Variants in CRISPLD2 observed in about 807,000 individuals in gnomAD.
The protein encoded by CRISPLD2 is cysteine rich secretory protein LCCL domain containing 2.
CRISPLD2 carries 47 observed loss-of-function variants against 71.1 expected under a neutral mutation model. That is an observed-to-expected ratio of 0.66 (90% CI 0.52 to 0.84). The LOEUF is 0.84. Among genes scored for constraint, CRISPLD2 ranks in the 40% least tolerant of loss-of-function variants. CRISPLD2 has a pLI of 0.00. For synonymous variants in CRISPLD2, 317 were observed against 250.1 expected (o/e 1.27, Z -2.52); for missense variants, 830 against 651.1 (o/e 1.27, Z -2.99).
At chr16:84,831,538 A>G (rs1337535326) in intron 1 of CRISPLD2, among the ~76,000 whole-genome samples, 3 of 151,304 alleles carry the variant, frequency 2.0e-5, no homozygotes, top group Non-Finnish European at 2.9e-5. Context: ...CTGGGACTAC[A>G]GGCATGTGGC....
At chr16:84,853,911 A>T (rs891824676) in intron 5 of CRISPLD2, among the ~76,000 whole-genome samples, 1 of 152,178 alleles carries the variant, frequency 6.6e-6, no homozygotes, top group African/African-American at 2.4e-5. Flanking sequence ...CAAGCCGGGG[A>T]GCCTGCTCTT....
Position 84,854,844 on chromosome 16 carries a change from C to T in CRISPLD2, c.709+15C>T, listed in dbSNP as rs374304231. On this transcript the variant is annotated intron_variant, in intron 6 of 14. Transcript: ENST00000262424. The stretch of plus-strand genomic sequence containing the variant: ...GTGTTACCGAGGTAGGAAATTTACT[C>T]CCAACACTTTTGCAATGAATTTGCC... 10 of 1,592,896 alleles carry T rather than the reference C, an allele frequency of 6.3e-6. No individual in the cohort carries two copies. In the African/African-American group the frequency reaches 1.3e-4, roughly 21 times the overall value.
At chr16:84,824,621 A>G (rs1236607283) in intron 1 of CRISPLD2, among the ~76,000 whole-genome samples, 2 of 152,140 alleles carry the variant, frequency 1.3e-5, no homozygotes, top group Non-Finnish European at 2.9e-5. Flanking sequence ...CATCCTCTAC[A>G]ACAAAGCCTT....
intron 1 of CRISPLD2, among the ~76,000 whole-genome samples, chr16:84,832,107 C>G (rs746826112): frequency 6.6e-6 from 1 of 152,252 alleles, no homozygotes; most frequent in African/African-American, 2.4e-5. Flanking sequence ...ATTGTCTGTT[C>G]ATAGCATTCC....
At chr16:84,821,422 T>C (rs1369548208) in intron 1 of CRISPLD2, among the ~76,000 whole-genome samples, 1 of 152,202 alleles carries the variant, frequency 6.6e-6, no homozygotes, top group Non-Finnish European at 1.5e-5. Flanking sequence ...GCAGTTTACC[T>C]GTATTGTCAT....
At chr16:84,857,728 G>C (rs562967433) in intron 6 of CRISPLD2, among the ~76,000 whole-genome samples, 1 of 152,110 alleles carries the variant, frequency 6.6e-6, no homozygotes, top group African/African-American at 2.4e-5. Flanking sequence ...TTTTTCATCT[G>C]TCAACTGATC....
chr16:84,824,725 G>A (rs1300003009), intron 1 of CRISPLD2, among the ~76,000 whole-genome samples: 1 of 152,202 alleles, frequency 6.6e-6, no homozygotes, highest in Non-Finnish European at 1.5e-5. Context: ...CCAGTGATCA[G>A]GTTCTCTGCC....
rs773163417 is a variant in CRISPLD2 at position 84,906,686 on chromosome 16, G to A, written c.*44G>A. On this transcript the variant is annotated 3_prime_UTR_variant, in exon 15 of 15. Transcript: ENST00000262424. ...GAAGGGGCGTCTTCAGGAGGGCTTCGGGGTTTTGCTTTTATTTTTATTTTG... is the reference window on the plus strand; with the variant it reads ...GAAGGGGCGTCTTCAGGAGGGCTTCAGGGTTTTGCTTTTATTTTTATTTTG... 3.7e-6 allele frequency: 6 copies of A among 1,607,386 alleles called. No homozygotes were observed. The highest frequency in any genetic ancestry group is 2.2e-5 in the East Asian group (1 of 44,854).
At chr16:84,895,589 G>GA (rs759763348) in intron 14 of CRISPLD2, among the ~76,000 whole-genome samples, 3 of 152,128 alleles carry the variant, frequency 2.0e-5, no homozygotes, top group Non-Finnish European at 4.4e-5. Flanking sequence ...GTGCTAGTCT[G>GA]AAACTTTTCC....
chr16:84,906,856 C>G lies in CRISPLD2; in HGVS notation c.*214C>G. 1.6e-6 allele frequency: 1 copy of G among 643,970 alleles called. No homozygotes were observed. The highest frequency in any genetic ancestry group is 2.8e-6 in the Non-Finnish European group (1 of 359,372). 39.9% of individuals were successfully genotyped at this position (643,970 alleles called of 1,614,324 possible). The stretch of plus-strand genomic sequence containing the variant: ...GGTGCTCAGCCGGACTCCCTGGTGC[C>G]TGATCCTGCTGGGGCCTGGGGGTCT... On this transcript the variant is annotated 3_prime_UTR_variant, in exon 15 of 15. Coordinates refer to ENST00000262424, the MANE Select transcript of CRISPLD2 (RefSeq NM_031476.4).
At chr16:84,849,166 G>T in intron 3 of CRISPLD2, 2 of 534,306 alleles carry the variant, frequency 3.7e-6, no homozygotes, top group South Asian at 2.3e-5. Context: ...CCCCCACCTC[G>T]GCCTCCCTCC....
At chr16:84,828,797 T>G (rs1271701958) in intron 1 of CRISPLD2, among the ~76,000 whole-genome samples, 2 of 152,230 alleles carry the variant, frequency 1.3e-5, no homozygotes, top group Non-Finnish European at 2.9e-5. Context: ...ACTATTTTCT[T>G]TTTGTCCAGA....
At chr16:84,823,518 G>A (rs1241328014) in intron 1 of CRISPLD2, among the ~76,000 whole-genome samples, 6 of 152,186 alleles carry the variant, frequency 3.9e-5, no homozygotes, top group African/African-American at 1.2e-4. Context: ...ATGGGTGCAG[G>A]GAAGCCCTGG....
chr16:84,872,864 A>G, intron 9 of CRISPLD2, 128 bp from the exon 10 acceptor site: 1 of 1,186,908 alleles, frequency 8.4e-7, no homozygotes. Context: ...GAGAGGCAGG[A>G]GCAGAGTGAG....
At chr16:84,894,987 C>A (rs1023896109) in intron 14 of CRISPLD2, among the ~76,000 whole-genome samples, 2 of 152,146 alleles carry the variant, frequency 1.3e-5, no homozygotes, top group African/African-American at 4.8e-5. Flanking sequence ...CACTCTCCCC[C>A]AAGCCAGGCT....
chr16:84,825,991 C>G (rs769374765), intron 1 of CRISPLD2, among the ~76,000 whole-genome samples: 3 of 151,354 alleles, frequency 2.0e-5, no homozygotes, highest in Non-Finnish European at 4.4e-5. Context: ...CCTGGAAGCA[C>G]CTGAGGACTC....
At position 84,854,791 on chromosome 16, in the gene CRISPLD2, G is replaced by C. The variant is rs756825859; in HGVS notation, c.671G>C (p.Ser224Thr). 2 of 1,614,180 alleles carry C rather than the reference G, an allele frequency of 1.2e-6. No individual in the cohort carries two copies. The highest frequency in any genetic ancestry group is 2.2e-5 in the South Asian group (2 of 91,080). ...NGRPCSECPP[S>T]YGGSCRNNLC... ...CGGCCCTGCTCTGAGTGCCCACCCA[G>C]CTATGGAGGCAGCTGCAGGAACAAC... The change falls in exon 6 of 15, where the codon AGC becomes ACC. Residue 224 changes from serine (S) to threonine (T), a missense_variant. Coordinates refer to ENST00000262424, the MANE Select transcript of CRISPLD2 (RefSeq NM_031476.4).
intron 13 of CRISPLD2, among the ~76,000 whole-genome samples, chr16:84,888,527 C>T (rs942267371): frequency 1.3e-5 from 2 of 152,234 alleles, no homozygotes; most frequent in African/African-American, 4.8e-5. Context: ...CCTGCCTCTG[C>T]GAGGTACCCA....
At chr16:84,905,014 C>T (rs2071788853) in intron 14 of CRISPLD2, among the ~76,000 whole-genome samples, 1 of 152,114 alleles carries the variant, frequency 6.6e-6, no homozygotes, top group African/African-American at 2.4e-5. Context: ...GGCACGGTGG[C>T]TCACACCCAT....
Sources: gnomAD v4.1 joint callset for allele counts (sites outside exome capture counted in the v4.1 genomes callset) on GRCh38, gnomAD v4.1.1 for gene constraint, MANE v1.5 for transcripts, NCBI Gene and HGNC (gene_info 2026-07-23, HGNC 2026-07-21) for gene names.